Variants in GPR61 observed in about 807,000 individuals in gnomAD.
The protein encoded by GPR61 is G protein-coupled receptor 61.
Under a neutral mutation model 29.2 loss-of-function variants are expected in GPR61, and 15 were observed. That is an observed-to-expected ratio of 0.51 (90% CI 0.34 to 0.79). The LOEUF (loss-of-function observed/expected upper bound fraction) is 0.79, where lower values mean the gene tolerates loss of function less well. Ranked by LOEUF, GPR61 falls within the 30% of genes least tolerant of loss-of-function variation. The pLI is 0.01. For synonymous variants in GPR61, 238 were observed against 242.3 expected, an observed-to-expected ratio of 0.98 and a Z score of 0.17; for missense variants, 399 against 582.5, an observed-to-expected ratio of 0.69 and a Z score of 3.24.
At position 109,544,378 on chromosome 1, in the gene GPR61, A is replaced by G; in HGVS notation, c.1356A>G (p.Ter452TrpextTer43). 1 of 1,608,208 alleles carries G rather than the reference A, an allele frequency of 6.2e-7. No individual in the cohort carries two copies. The change falls in exon 2 of 2, where the codon TGA becomes TGG. Residue 452 changes from the stop codon to tryptophan (W), a stop_lost. Transcript: ENST00000527748. This position sits in a 1 kb window ranked among gnomAD's most constrained non-coding sequence, Gnocchi z 4.6. ...CCGCCTCACCCCGGCTGGAGTCATG[A>G]TGGGCCGCTGGACACTCGGAGGGAT... is the stretch of plus-strand genomic sequence containing the variant. Reference protein sequence around the residue: ...RPAASPRLES* With the variant: ...RPAASPRLESW
rs1197998482 is a variant in GPR61 at position 109,544,365 on chromosome 1, G to A, written c.1343G>A (p.Arg448Gln). ...DSYLRPAASP[R>Q]LES ...TACCTCCGTCCTGCCGCCTCACCCC[G>A]GCTGGAGTCATGATGGGCCGCTGGA... The change falls in exon 2 of 2, where the codon CGG (arginine) becomes CAG (glutamine). Residue 448 changes from arginine (R) to glutamine (Q), a missense_variant. Around this residue, in one of 3 missense-constraint regions of GPR61, gnomAD observed 320 missense variants for 459.8 expected, o/e 0.70. Coordinates refer to ENST00000527748, the MANE Select transcript of GPR61 (RefSeq NM_001393907.1). The surrounding 1 kb of genome is among the most constrained non-coding windows in gnomAD (Gnocchi z 4.6). 14 of 1,611,426 alleles carry A rather than the reference G, an allele frequency of 8.7e-6. No homozygotes were observed. The highest frequency in any genetic ancestry group is 5.3e-5 in the African/African-American group (4 of 74,904).
chr1:109,542,749 T>C lies in GPR61; in HGVS notation c.-274T>C, dbSNP rs557132939. The C allele has an allele frequency of 6.1e-6, 4 of 653,376 alleles. No individual in the cohort carries two copies. In the Admixed American group the frequency reaches 6.2e-5, roughly 10 times the overall value. The allele number at this position is 653,376 out of a possible 1,614,324, so 40.5% of individuals were successfully genotyped here. ...TTCCGAAAGCGGAGTGTTGAGTGGG[T>C]CAGGCTCCTGCACCTCTCACGTCTC... is the stretch of plus-strand genomic sequence containing the variant. On this transcript the variant is annotated 5_prime_UTR_variant, in exon 2 of 2. Transcript: ENST00000527748.
Position 109,544,363 on chromosome 1 carries a change from C to G in GPR61, c.1341C>G (p.Pro447=). The G allele has an allele frequency of 6.2e-7, 1 of 1,611,584 alleles. No individual in the cohort carries two copies. Among genetic ancestry groups the G allele is most frequent in the South Asian group, 1.1e-5 (1 of 90,968 alleles). Residue 447 remains proline, a synonymous_variant, in exon 2 of 2, where the codon CCC becomes CCG. Coordinates refer to ENST00000527748, the MANE Select transcript of GPR61 (RefSeq NM_001393907.1). The surrounding 1 kb of genome is among the most constrained non-coding windows in gnomAD (Gnocchi z 4.6). The part of the protein sequence containing the change: ...SDSYLRPAAS[P]RLES ...GCTACCTCCGTCCTGCCGCCTCACC[C>G]CGGCTGGAGTCATGATGGGCCGCTG... is the stretch of plus-strand genomic sequence containing the variant.
In GPR61 at chr1:109,539,925, C is replaced by T. The variant is rs1647582832; in HGVS notation, c.-630C>T. 6.6e-6 allele frequency: 1 copy of T among 152,310 alleles called. No individual in the cohort carries two copies. Among genetic ancestry groups the T allele is most frequent in the South Asian group, 2.1e-4 (1 of 4,830 alleles). 9.4% of individuals were successfully genotyped at this position (152,310 alleles called of 1,614,324 possible). On this transcript the variant is annotated 5_prime_UTR_variant, in exon 1 of 2. Coordinates refer to ENST00000527748, the MANE Select transcript of GPR61 (RefSeq NM_001393907.1). ...AGAAGCATCAGCTGAGAGGAGCTAT[C>T]ACATGGGAGCCGGGACTGCTCAGCA...
rs773845708 is a variant in GPR61, at chr1:109,543,301, C to T, written c.279C>T (p.Leu93=). The T allele has an allele frequency of 5.0e-6, 8 of 1,614,112 alleles. No homozygotes were observed. In the South Asian group the frequency reaches 8.8e-5, roughly 18 times the overall value. Residue 93 remains leucine (L), a synonymous_variant, in exon 2 of 2, where the codon CTC becomes CTT. Transcript: ENST00000527748. This position sits in a 1 kb window ranked among gnomAD's most constrained non-coding sequence, Gnocchi z 6.8. The stretch of plus-strand genomic sequence containing the variant: ...TGGACCTGCTGGCTGCCCTGACCCT[C>T]ATGCCCCTGGCCATGCTCTCCAGCT... ...CLVDLLAALT[L]MPLAMLSSSA...
intron 1 of GPR61, among the ~76,000 whole-genome samples, chr1:109,540,544 G>A (rs1015618897): frequency 6.6e-5 from 10 of 152,198 alleles, no homozygotes; most frequent in African/African-American, 2.4e-4. Context: ...AGGCCCTAGT[G>A]GCAAAGCCTT....
At chr1:109,542,069 G>A (rs1647658393) in intron 1 of GPR61, among the ~76,000 whole-genome samples, 1 of 152,166 alleles carries the variant, frequency 6.6e-6, no homozygotes, top group Non-Finnish European at 1.5e-5. Context: ...CGGCACGGAG[G>A]GCACCTTCAC....
Position 109,544,079 on chromosome 1 carries a change from A to T in GPR61, c.1057A>T (p.Ser353Cys). Reference protein sequence around the residue: ...CLNRQIRGELSKQFVCFFKPA... With the variant: ...CLNRQIRGELCKQFVCFFKPA... ...CAACCGGCAGATCCGGGGGGAGCTC[A>T]GCAAGCAGTTTGTCTGCTTCTTCAA... Residue 353 changes from serine to cysteine, a missense_variant, in exon 2 of 2, where the codon AGC becomes TGC. By Grantham distance (112) the Ser-to-Cys change is moderately radical. Coordinates refer to ENST00000527748, the MANE Select transcript of GPR61 (RefSeq NM_001393907.1). The surrounding 1 kb of genome is among the most constrained non-coding windows in gnomAD (Gnocchi z 4.6). The T allele has an allele frequency of 6.2e-7, 1 of 1,614,204 alleles. No individual in the cohort carries two copies. Among genetic ancestry groups the T allele is most frequent in the Non-Finnish European group, 8.5e-7 (1 of 1,180,036 alleles).
rs1303630195 is a variant in GPR61, at chr1:109,544,702, G to A, written c.*324G>A. ...TTCCAGAAGCAGGGAATTCTCTAAG[G>A]GTAGGAGTTGGAGGATACAGGGCAG... On this transcript the variant is annotated 3_prime_UTR_variant, in exon 2 of 2. Transcript: ENST00000527748. This position sits in a 1 kb window ranked among gnomAD's most constrained non-coding sequence, Gnocchi z 4.6. The A allele has an allele frequency of 3.0e-6, 1 of 333,184 alleles. No homozygotes were observed. The highest frequency in any genetic ancestry group is 2.1e-5 in the African/African-American group (1 of 47,802). The allele number at this position is 333,184 out of a possible 1,614,324, so 20.6% of individuals were successfully genotyped here.
Position 109,543,607 on chromosome 1 carries a change from T to C in GPR61, c.585T>C (p.Cys195=). 1 of 1,614,104 alleles carries C rather than the reference T, an allele frequency of 6.2e-7. No individual in the cohort carries two copies. Among genetic ancestry groups the C allele is most frequent in the Non-Finnish European group, 8.5e-7 (1 of 1,180,008 alleles). The part of the protein sequence containing the change: ...EEGAPSVPPG[C]SLQWSHSAYC... ...GAGCTCCCAGTGTCCCCCCAGGCTG[T>C]TCACTCCAGTGGAGCCACAGTGCCT... Residue 195 remains cysteine, a synonymous_variant, in exon 2 of 2, where the codon TGT becomes TGC. Transcript: ENST00000527748. This position sits in a 1 kb window ranked among gnomAD's most constrained non-coding sequence, Gnocchi z 6.8.
At position 109,545,928 on chromosome 1, in the gene GPR61, A is replaced by G. The variant is rs1647785077; in HGVS notation, c.*1550A>G. ...TGGGACCCACACAGGGCGTGTGGTCATTGCTTTTAAGGAGTTCATAGTCTA... is the reference window on the plus strand; with the variant it reads ...TGGGACCCACACAGGGCGTGTGGTCGTTGCTTTTAAGGAGTTCATAGTCTA... On this transcript the variant is annotated 3_prime_UTR_variant, in exon 2 of 2. Coordinates refer to ENST00000527748, the MANE Select transcript of GPR61 (RefSeq NM_001393907.1). 6.6e-6 allele frequency: 1 copy of G among 152,238 alleles called. No homozygotes were observed. The highest frequency in any genetic ancestry group is 1.5e-5 in the Non-Finnish European group (1 of 68,046). The allele number at this position is 152,238 out of a possible 1,614,324, so 9.4% of individuals were successfully genotyped here.
chr1:109,545,658 C>T lies in GPR61; in HGVS notation c.*1280C>T, dbSNP rs1647775983. On this transcript the variant is annotated 3_prime_UTR_variant, in exon 2 of 2. Transcript: ENST00000527748. Reference sequence around the variant, plus strand: ...CACCCATCTGGGACCACCTGTCCATCCTACTTCCCTCAATTGAATCAGGTA... The same window carrying T: ...CACCCATCTGGGACCACCTGTCCATTCTACTTCCCTCAATTGAATCAGGTA... 1 of 152,236 alleles carries T rather than the reference C, an allele frequency of 6.6e-6. No homozygotes were observed. The highest frequency in any genetic ancestry group is 6.5e-5 in the Admixed American group (1 of 15,286). The allele number at this position is 152,236 out of a possible 1,614,324, so 9.4% of individuals were successfully genotyped here.
chr1:109,540,528 G>C (rs1030632926), intron 1 of GPR61, among the ~76,000 whole-genome samples: 9 of 152,240 alleles, frequency 5.9e-5, no homozygotes, highest in Non-Finnish European at 5.9e-5. Flanking sequence ...TAGAGGCCCA[G>C]ACCTCAGGCC....
chr1:109,542,011 A>G (rs1647656518), intron 1 of GPR61, among the ~76,000 whole-genome samples: 1 of 152,122 alleles, frequency 6.6e-6, no homozygotes, highest in South Asian at 2.1e-4. Flanking sequence ...AGTTTTAGAG[A>G]CAGCTGAAAT....
In GPR61 at chr1:109,543,396, T is replaced by C. The variant is rs1208028834; in HGVS notation, c.374T>C (p.Phe125Ser). The change falls in exon 2 of 2, where the codon TTT (phenylalanine) becomes TCT (serine). Residue 125 changes from phenylalanine to serine, a missense_variant. Transcript: ENST00000527748. This position sits in a 1 kb window ranked among gnomAD's most constrained non-coding sequence, Gnocchi z 6.8. ...CTCTACTTGTTTCTGAGCGTGTGCT[T>C]TGTCAGCCTGGCCATCCTCTCGGTG... ...CRLYLFLSVC[F>S]VSLAILSVSA... is the part of the protein sequence containing the mutation. The C allele has an allele frequency of 1.9e-6, 3 of 1,611,750 alleles. No homozygotes were observed. The highest frequency in any genetic ancestry group is 2.5e-6 in the Non-Finnish European group (3 of 1,179,952).
chr1:109,541,303 C>T (rs1448267952), intron 1 of GPR61, among the ~76,000 whole-genome samples: 2 of 152,354 alleles, frequency 1.3e-5, no homozygotes, highest in African/African-American at 4.8e-5. Context: ...CCCGGCTACC[C>T]TTTCCACAAG....
Position 109,547,065 on chromosome 1 carries a change from G to A in GPR61, c.*2687G>A, listed in dbSNP as rs969138210. 1 of 152,152 alleles carries A rather than the reference G, an allele frequency of 6.6e-6. No homozygotes were observed. 9.4% of individuals were successfully genotyped at this position (152,152 alleles called of 1,614,324 possible). ...GCATGATAGAAAAGGGTAACTCTGG[G>A]GTCAGATAGATGTACTTACTCACTG... On this transcript the variant is annotated 3_prime_UTR_variant, in exon 2 of 2. Coordinates refer to ENST00000527748, the MANE Select transcript of GPR61 (RefSeq NM_001393907.1).
In GPR61 at chr1:109,543,667, T is replaced by G; in HGVS notation, c.645T>G (p.Leu215=). 6.2e-7 allele frequency: 1 copy of G among 1,613,984 alleles called. No individual in the cohort carries two copies. The highest frequency in any genetic ancestry group is 8.5e-7 in the Non-Finnish European group (1 of 1,180,030). Residue 215 remains leucine (L), a synonymous_variant, in exon 2 of 2, where the codon CTT becomes CTG. Transcript: ENST00000527748. The surrounding 1 kb of genome is among the most constrained non-coding windows in gnomAD (Gnocchi z 6.8). ...TTTTTGTGGTGGTCTTTGCTGTCCT[T>G]TACTTTCTGTTGCCCCTGCTCCTCA... ...CQLFVVVFAV[L]YFLLPLLLIL...
Position 109,543,078 on chromosome 1 carries a change from T to G in GPR61, c.56T>G (p.Val19Gly). 6.4e-7 allele frequency: 1 copy of G among 1,556,620 alleles called. No individual in the cohort carries two copies. Among genetic ancestry groups the G allele is most frequent in the South Asian group, 1.2e-5 (1 of 81,610 alleles). Residue 19 changes from valine (V) to glycine (G), a missense_variant, in exon 2 of 2, where the codon GTC (valine) becomes GGC (glycine). Physicochemically the swap from Val to Gly is moderately radical, Grantham distance 109. Coordinates refer to ENST00000527748, the MANE Select transcript of GPR61 (RefSeq NM_001393907.1). This position sits in a 1 kb window ranked among gnomAD's most constrained non-coding sequence, Gnocchi z 6.8. The stretch of plus-strand genomic sequence containing the variant: ...GGGAACTCTTCCACTTTGGGGAGGG[T>G]CCCTCAAACCCCAGGTCCCTCTACT... ...SSGNSSTLGR[V>G]PQTPGPSTAS...
Sources: allele counts gnomAD v4.1 joint callset (sites outside exome capture counted in the v4.1 genomes callset), GRCh38; gene constraint gnomAD v4.1.1; regional missense constraint gnomAD v4.1.1; non-coding constraint Gnocchi (gnomAD v3.1); transcripts MANE v1.5; gene names NCBI Gene and HGNC (gene_info 2026-07-23, HGNC 2026-07-21).